The following CTNNA3 variants were observed in gnomAD, a reference collection of about 807,000 sequenced individuals.
The protein encoded by CTNNA3 is catenin alpha 3.
In CTNNA3, 76 loss-of-function variants were observed where a neutral mutation model predicts 95.7. The observed-to-expected ratio is 0.79, with a 90% CI of 0.66 to 0.96. CTNNA3 has a LOEUF of 0.96. CTNNA3 is among the 40% of genes least tolerant of loss of function. The probability of loss-of-function intolerance (pLI) is 0.00; values close to 1 mark genes in which losing one functional copy is unlikely to be tolerated. For missense variants in CTNNA3, 1,191 were observed against 1,089.8 expected (o/e 1.09, Z -1.31); for synonymous variants, 431 against 374.4 (o/e 1.15, Z -1.74).
rs532797569 is a variant in CTNNA3, at chr10:66,612,505, T to G, written c.1374+9187A>C. On this transcript the variant is annotated intron_variant, in intron 10 of 17. Coordinates refer to ENST00000433211, the MANE Select transcript of CTNNA3 (RefSeq NM_013266.4). ...GGTTCTTAAGTGGGGCAACATCACT[T>G]TACTGGGAGGTTTATGGAAATGTGT... is the stretch of plus-strand genomic sequence containing the variant. 5.3e-5 allele frequency among the ~76,000 whole-genome samples: 8 copies of G among 152,198 alleles called. No individual in the cohort carries two copies. The East Asian group carries it at 1.2e-3, about 22-fold the overall frequency.
chr10:67,387,276 C>G (rs186780418), intron 5 of CTNNA3, among the ~76,000 whole-genome samples: 6 of 152,226 alleles, frequency 3.9e-5, no homozygotes, highest in African/African-American at 1.4e-4. Context: ...GTTCCCTTTC[C>G]GAGTCAAAGA....
At chr10:66,175,848 G>C (rs768751492) in intron 13 of CTNNA3, among the ~76,000 whole-genome samples, 14 of 152,200 alleles carry the variant, frequency 9.2e-5, no homozygotes, top group South Asian at 4.2e-4. Flanking sequence ...GAATTATCAT[G>C]GGTTAAACTT....
Position 65,913,708 on chromosome 10 carries a change from C to T in CTNNA3, c.*6622G>A, listed in dbSNP as rs988554732. Reference sequence around the variant, plus strand: ...CAGGAAGGAGGATAGTTCTGTTTAACTGAGAGCAGGGGCTAGCATCTCTGA... The same window carrying T: ...CAGGAAGGAGGATAGTTCTGTTTAATTGAGAGCAGGGGCTAGCATCTCTGA... On this transcript the variant is annotated 3_prime_UTR_variant, in exon 18 of 18. Transcript: ENST00000433211. The T allele has an allele frequency of 8.5e-5, 13 of 152,088 alleles. No homozygotes were observed. Among genetic ancestry groups the T allele is most frequent in the African/African-American group, 3.1e-4 (13 of 41,422 alleles). 9.4% of individuals were successfully genotyped at this position (152,088 alleles called of 1,614,324 possible).
intron 3 of CTNNA3, among the ~76,000 whole-genome samples, chr10:67,585,818 A>T (rs7920668): frequency 0.23 from 34,634 of 151,868 alleles, 7,289 homozygotes; most frequent in African/African-American, 0.56. Flanking sequence ...TTAGTCTCTA[A>T]TTCATTTAAT....
intron 9 of CTNNA3, among the ~76,000 whole-genome samples, chr10:66,734,387 A>G (rs1849062769): frequency 6.6e-6 from 1 of 152,088 alleles, no homozygotes; most frequent in Non-Finnish European, 1.5e-5. Context: ...GGGAATCTGA[A>G]CTATTAGTTG....
chr10:66,949,902 G>A (rs954767130), intron 7 of CTNNA3, among the ~76,000 whole-genome samples: 1 of 152,164 alleles, frequency 6.6e-6, no homozygotes, highest in Non-Finnish European at 1.5e-5. Flanking sequence ...TTTCTGAGTG[G>A]TTCAGAATCA....
intron 13 of CTNNA3, among the ~76,000 whole-genome samples, chr10:66,150,414 A>G (rs2084138490): frequency 6.6e-6 from 1 of 152,144 alleles, no homozygotes; most frequent in Non-Finnish European, 1.5e-5. Flanking sequence ...AGCAGTGTGA[A>G]AGCAGACTAA....
intron 16 of CTNNA3, among the ~76,000 whole-genome samples, chr10:65,987,932 G>A (rs2133323317): frequency 6.6e-6 from 1 of 152,176 alleles, no homozygotes; most frequent in Non-Finnish European, 1.5e-5. Flanking sequence ...AATAAGTCAG[G>A]TACAGAAAGA....
intron 11 of CTNNA3, among the ~76,000 whole-genome samples, chr10:66,481,762 C>A (rs926389758): frequency 1.3e-5 from 2 of 151,180 alleles, no homozygotes; most frequent in Admixed American, 1.3e-4. Context: ...TGAGCCACCG[C>A]GTTGTTTCTT....
At chr10:66,534,042 C>G (rs1354125774) in intron 10 of CTNNA3, among the ~76,000 whole-genome samples, 2 of 152,142 alleles carry the variant, frequency 1.3e-5, no homozygotes, top group Non-Finnish European at 2.9e-5. Context: ...TTAAGCTATT[C>G]TAAAGATTAT....
intron 5 of CTNNA3, among the ~76,000 whole-genome samples, chr10:67,272,142 T>C (rs1839005501): frequency 6.6e-6 from 1 of 152,212 alleles, no homozygotes; most frequent in Non-Finnish European, 1.5e-5. Context: ...TTAAATGCAC[T>C]ACTATACTTA....
At chr10:66,293,612 T>C (rs1051482735) in intron 12 of CTNNA3, among the ~76,000 whole-genome samples, 1 of 152,040 alleles carries the variant, frequency 6.6e-6, no homozygotes, top group Non-Finnish European at 1.5e-5. Flanking sequence ...TCCTGTACAA[T>C]GTAATTCATT....
chr10:66,328,933 T>TATACACAC (rs59003281), intron 12 of CTNNA3, among the ~76,000 whole-genome samples: 3 of 115,418 alleles, frequency 2.6e-5, no homozygotes, highest in African/African-American at 9.2e-5. Flanking sequence ...TATATATATA[T>TATACACAC]ACACACACAC....
intron 13 of CTNNA3, among the ~76,000 whole-genome samples, chr10:66,141,898 A>G (rs2083638628): frequency 6.6e-6 from 1 of 152,206 alleles, no homozygotes; most frequent in Non-Finnish European, 1.5e-5. Flanking sequence ...TGGATAGCCC[A>G]GGTTATTAAA....
chr10:66,961,377 C>T (rs543941832), intron 7 of CTNNA3, among the ~76,000 whole-genome samples: 18 of 152,302 alleles, frequency 1.2e-4, no homozygotes, highest in Non-Finnish European at 1.9e-4. Flanking sequence ...CCTCCTCTTA[C>T]TTGAACTGTC....
At chr10:66,334,855 C>A (rs1295548176) in intron 12 of CTNNA3, among the ~76,000 whole-genome samples, 1 of 152,110 alleles carries the variant, frequency 6.6e-6, no homozygotes, top group East Asian at 1.9e-4. Context: ...CTCCCCATCA[C>A]TTTCAGGTAC....
intron 7 of CTNNA3, among the ~76,000 whole-genome samples, chr10:67,090,823 T>G (rs953377573): frequency 4.6e-5 from 7 of 152,012 alleles, no homozygotes; most frequent in Non-Finnish European, 8.8e-5. Flanking sequence ...CTAAAGAAAC[T>G]AAGGTAGAAC....
At chr10:66,763,994 G>C (rs2132775781) in intron 9 of CTNNA3, among the ~76,000 whole-genome samples, 1 of 152,274 alleles carries the variant, frequency 6.6e-6, no homozygotes, top group African/African-American at 2.4e-5. Context: ...CCATAGATTA[G>C]TGAGAGATAA....
intron 1 of CTNNA3, among the ~76,000 whole-genome samples, chr10:67,746,008 T>G (rs1350541806): frequency 6.6e-6 from 1 of 152,138 alleles, no homozygotes; most frequent in Non-Finnish European, 1.5e-5. Flanking sequence ...CACCAAGCAA[T>G]TTACAGATTC....
Sources: allele counts gnomAD v4.1 joint callset (sites outside exome capture counted in the v4.1 genomes callset), GRCh38; gene constraint gnomAD v4.1.1; transcripts MANE v1.5; gene names NCBI Gene and HGNC (gene_info 2026-07-23, HGNC 2026-07-21).